TPO: variants seen among roughly 807,000 people sequenced by gnomAD.
TPO encodes thyroid peroxidase, also known as thyroid microsomal antigen.
TPO carries 78 observed loss-of-function variants against 96.9 expected under a neutral mutation model. That is an observed-to-expected ratio of 0.81 (90% CI 0.67 to 0.97). TPO has a LOEUF of 0.97. Among genes scored for constraint, TPO ranks in the 50% least tolerant of loss-of-function variants. The pLI is 0.00. For synonymous variants in TPO, 547 were observed against 538.0 expected (o/e 1.02, Z -0.23); for missense variants, 1,252 against 1,274.8 (o/e 0.98, Z 0.27).
chr2:1,519,596 A>C (rs547407231), intron 15 of TPO, among the ~76,000 whole-genome samples: 1 of 152,250 alleles, frequency 6.6e-6, no homozygotes, highest in African/African-American at 2.4e-5. Flanking sequence ...TGGTCTTTAA[A>C]CCTTAAAAAC....
chr2:1,540,535 A>G (rs544418602), intron 15 of TPO, 59 bp from the exon 16 acceptor site: 8 of 1,605,902 alleles, frequency 5.0e-6, no homozygotes, highest in South Asian at 4.4e-5. Flanking sequence ...CGTGCTCTCT[A>G]CCCTCCACAG....
chr2:1,453,711 G>A lies in TPO; in HGVS notation c.500G>A (p.Gly167Asp). 1 of 1,613,990 alleles carries A rather than the reference G, an allele frequency of 6.2e-7. No individual in the cohort carries two copies. Among genetic ancestry groups the A allele is most frequent in the Non-Finnish European group, 8.5e-7 (1 of 1,180,044 alleles). ...ACNNRDHPRWGASNTALARWL... is the reference protein window; with the variant it reads ...ACNNRDHPRWDASNTALARWL... ...CTCCACAGAGACCACCCCAGATGGG[G>A]CGCCTCCAACACGGCCCTGGCACGA... is the stretch of plus-strand genomic sequence containing the variant. Residue 167 changes from glycine (G) to aspartate (D), a missense_variant, in exon 6 of 17, where the codon GGC becomes GAC. Gly to Asp is a moderately conservative substitution (Grantham distance 94). Transcript: ENST00000329066.
Position 1,496,413 on chromosome 2 carries a change from CG to C in TPO, c.2216-178del, listed in dbSNP as rs1672349706. ...TGGAGGCCTAGAGAAAGGGAGCCCG[CG>C]GGGCCCGATCTGGGAAGAGGCCGTG... On this transcript the variant is annotated intron_variant, in intron 12 of 16. Coordinates refer to ENST00000329066, the MANE Select transcript of TPO (RefSeq NM_001206744.2). Among the ~76,000 whole-genome samples, 4 of 152,262 alleles carry C rather than the reference CG, an allele frequency of 2.6e-5. No individual in the cohort carries two copies. The East Asian group carries it at 7.7e-4, about 29-fold the overall frequency.
At chr2:1,536,633 T>C (rs1053413610) in intron 15 of TPO, among the ~76,000 whole-genome samples, 10 of 10,746 alleles carry the variant, frequency 9.3e-4, no homozygotes, top group Non-Finnish European at 1.1e-3. Context: ...TTGTGAAACC[T>C]CCCCAAATCC....
intron 7 of TPO, among the ~76,000 whole-genome samples, chr2:1,457,383 G>C (rs11691743): frequency 2.2e-5 from 1 of 45,038 alleles, no homozygotes; most frequent in African/African-American, 7.0e-5. Flanking sequence ...GTATGATACT[G>C]TGGGTACACA....
intron 1 of TPO, among the ~76,000 whole-genome samples, chr2:1,380,188 A>T (rs1661785987): frequency 1.3e-5 from 2 of 152,038 alleles, no homozygotes; most frequent in Non-Finnish European, 2.9e-5. Flanking sequence ...AGGTCAGGAG[A>T]TCAAGACCAT....
chr2:1,531,226 C>T (rs1314263702), intron 15 of TPO, among the ~76,000 whole-genome samples: 1 of 134,152 alleles, frequency 7.5e-6, no homozygotes, highest in African/African-American at 3.1e-5. Context: ...CAAATCGCCC[C>T]CACTGTGTGC....
At chr2:1,470,668 T>C (rs573207844) in intron 7 of TPO, among the ~76,000 whole-genome samples, 5 of 152,306 alleles carry the variant, frequency 3.3e-5, no homozygotes, top group African/African-American at 9.6e-5. Context: ...AAAAAAGCCA[T>C]GGTGAGAGCA....
intron 14 of TPO, among the ~76,000 whole-genome samples, chr2:1,507,630 T>C (rs1310275869): frequency 1.3e-5 from 2 of 151,912 alleles, no homozygotes; most frequent in African/African-American, 4.8e-5. Flanking sequence ...CTAGGTATTT[T>C]ATTCTCTTTG....
Position 1,487,812 on chromosome 2 carries a change from A to ATT in TPO, c.1598-6_1598-5dup. 6.2e-7 allele frequency: 1 copy of ATT among 1,614,086 alleles called. No homozygotes were observed. Among genetic ancestry groups the ATT allele is most frequent in the Non-Finnish European group, 8.5e-7 (1 of 1,180,028 alleles). The stretch of plus-strand genomic sequence containing the variant: ...GAGCTGTCCTTGCCTTGTGCATGGT[A>ATT]TTTTCCAGGTGGTTTGGACCCACTA... On this transcript the variant is annotated splice_polypyrimidine_tract_variant and intron_variant, in intron 9 of 16. Coordinates refer to ENST00000329066, the MANE Select transcript of TPO (RefSeq NM_001206744.2).
intron 15 of TPO, among the ~76,000 whole-genome samples, chr2:1,524,669 G>GCC (rs1558405524): frequency 3.8e-5 from 3 of 79,532 alleles, no homozygotes; most frequent in African/African-American, 1.0e-4. Context: ...TCCCCCCACT[G>GCC]TGGGCAACCT....
At chr2:1,433,288 CAT>C (rs1367625672) in intron 3 of TPO, 148 bp from the exon 4 acceptor site, 7 of 928,442 alleles carry the variant, frequency 7.5e-6, no homozygotes, top group South Asian at 6.7e-5. Flanking sequence ...AGCAACTGCA[CAT>C]GTTTTACCTG....
At chr2:1,401,645 G>T (rs906040968) in intron 1 of TPO, among the ~76,000 whole-genome samples, 2 of 152,026 alleles carry the variant, frequency 1.3e-5, no homozygotes, top group Non-Finnish European at 1.5e-5. Flanking sequence ...TGCCCATCCT[G>T]CTACCTCCTC....
At chr2:1,407,126 C>T (rs975010372) in intron 1 of TPO, among the ~76,000 whole-genome samples, 3 of 152,170 alleles carry the variant, frequency 2.0e-5, no homozygotes, top group Non-Finnish European at 4.4e-5. Context: ...TCAAGACAAA[C>T]GTTTCCACCG....
chr2:1,532,505 C>T (rs1444535956), intron 15 of TPO, among the ~76,000 whole-genome samples: 41 of 130,296 alleles, frequency 3.1e-4, no homozygotes, highest in African/African-American at 1.2e-3. Context: ...CTCCTCAAAA[C>T]CCCCGCCACT....
intron 5 of TPO, among the ~76,000 whole-genome samples, chr2:1,446,273 A>T (rs1277615378): frequency 6.6e-6 from 1 of 152,136 alleles, no homozygotes; most frequent in Non-Finnish European, 1.5e-5. Flanking sequence ...AGGAAGTTAG[A>T]TGGTAACCCC....
rs747091509 is a variant in TPO, at chr2:1,477,160, C to T, written c.894C>T (p.Thr298=). ...PFYRSSAACG[T]GDQGALFGNL... ...ACCGCTCTTCGGCCGCCTGCGGCAC[C>T]GGGGACCAAGGCGCGCTCTTTGGGA... The change falls in exon 8 of 17, where the codon ACC becomes ACT. Residue 298 remains threonine, a synonymous_variant. Transcript: ENST00000329066. 6 of 1,609,876 alleles carry T rather than the reference C, an allele frequency of 3.7e-6. No homozygotes were observed. Among genetic ancestry groups the T allele is most frequent in the Non-Finnish European group, 5.1e-6 (6 of 1,179,070 alleles).
intron 13 of TPO, among the ~76,000 whole-genome samples, chr2:1,501,876 T>A (rs913191060): frequency 3.9e-5 from 6 of 151,954 alleles, no homozygotes; most frequent in African/African-American, 1.5e-4. Flanking sequence ...GAGGATGCAT[T>A]TCTGTTGCTT....
Position 1,477,471 on chromosome 2 carries a change from C to T in TPO, c.1205C>T (p.Ser402Phe), listed in dbSNP as rs1179597841. Residue 402 changes from serine to phenylalanine, a missense_variant, in exon 8 of 17, where the codon TCC (serine) becomes TTC (phenylalanine). Transcript: ENST00000329066. ...AGDGRASEVPSLTALHTLWLR... is the reference protein window; with the variant it reads ...AGDGRASEVPFLTALHTLWLR... Reference sequence around the variant, plus strand: ...GACGGCCGCGCCAGCGAGGTCCCCTCCCTGACGGCACTGCACACGCTGTGG... The same window carrying T: ...GACGGCCGCGCCAGCGAGGTCCCCTTCCTGACGGCACTGCACACGCTGTGG... 3 of 1,528,810 alleles carry T rather than the reference C, an allele frequency of 2.0e-6. No homozygotes were observed. Among genetic ancestry groups the T allele is most frequent in the East Asian group, 2.5e-5 (1 of 40,254 alleles). 94.7% of individuals were successfully genotyped at this position (1,528,810 alleles called of 1,614,324 possible). A position where few individuals can be genotyped will look rare whatever the true frequency, so the allele number is the denominator to read the frequency against.
Sources: gnomAD v4.1 joint callset for allele counts (sites outside exome capture counted in the v4.1 genomes callset) on GRCh38, gnomAD v4.1.1 for gene constraint, MANE v1.5 for transcripts, NCBI Gene and HGNC (gene_info 2026-07-23, HGNC 2026-07-21) for gene names.